The following USH2A variants were observed in gnomAD, a reference collection of about 807,000 sequenced individuals.
USH2A encodes usherin, also known as Usher syndrome 2A (autosomal recessive, mild).
A neutral mutation model predicts 538.9 loss-of-function variants in USH2A; 443 were observed. The ratio of observed to expected loss-of-function variants is 0.82; its 90% CI spans 0.76 to 0.89. The LOEUF is 0.89. Among genes scored for constraint, USH2A ranks in the 40% least tolerant of loss-of-function variants. USH2A has a pLI of 0.00. For missense variants in USH2A, 6,633 were observed against 6,324.8 expected (o/e 1.05, Z -1.65); for synonymous variants, 2,413 against 2,273.5 (o/e 1.06, Z -1.75).
intron 11 of USH2A, among the ~76,000 whole-genome samples, chr1:216,258,066 G>A (rs976665068): frequency 6.6e-6 from 1 of 151,976 alleles, no homozygotes; most frequent in African/African-American, 2.4e-5. Context: ...GTACTTTCCT[G>A]CTTCTTTACA....
At position 216,357,270 on chromosome 1, in the gene USH2A, A is replaced by G. The variant is rs140113678; in HGVS notation, c.784+7683T>C. 3.0e-3 allele frequency among the ~76,000 whole-genome samples: 461 copies of G among 152,264 alleles called. 4 individuals carry two copies. Among genetic ancestry groups the G allele is most frequent in the African/African-American group, 0.01 (428 of 41,566 alleles). On this transcript the variant is annotated intron_variant, in intron 4 of 71. Coordinates refer to ENST00000307340, the MANE Select transcript of USH2A (RefSeq NM_206933.4). ...ATGTTCTGAAACTAAGTAAACTCCT[A>G]TCTATATACTATATTCCTATACTCT...
At chr1:215,679,018 T>C (rs1658135313) in intron 62 of USH2A, among the ~76,000 whole-genome samples, 1 of 152,212 alleles carries the variant, frequency 6.6e-6, no homozygotes, top group Admixed American at 6.5e-5. Flanking sequence ...TTTAAGGTCA[T>C]GAATCCTAAG....
intron 68 of USH2A, among the ~76,000 whole-genome samples, chr1:215,639,577 T>G (rs1020699260): frequency 6.6e-6 from 1 of 152,186 alleles, no homozygotes; most frequent in Admixed American, 6.5e-5. Flanking sequence ...CAGGTGTACT[T>G]TCCACTAAAT....
At chr1:216,377,866 AGAAG>A (rs1380528153) in intron 3 of USH2A, among the ~76,000 whole-genome samples, 18 of 141,800 alleles carry the variant, frequency 1.3e-4, no homozygotes, top group African/African-American at 4.3e-4. Flanking sequence ...AAAGAAAGAA[AGAAG>A]GAAAGAAAGA....
At chr1:216,421,539 G>T (rs1296563690) in intron 2 of USH2A, among the ~76,000 whole-genome samples, 1 of 152,136 alleles carries the variant, frequency 6.6e-6, no homozygotes, top group Non-Finnish European at 1.5e-5. Flanking sequence ...AAGTTTCCAT[G>T]CCTTAAAACT....
intron 3 of USH2A, among the ~76,000 whole-genome samples, chr1:216,367,138 G>A (rs1202346453): frequency 4.6e-5 from 7 of 152,138 alleles, no homozygotes. Context: ...ACAGCCATGA[G>A]GGAAACACAT....
At chr1:216,323,843 A>G in intron 7 of USH2A, 148 bp from the exon 8 acceptor site, 4 of 785,690 alleles carry the variant, frequency 5.1e-6, no homozygotes, top group Non-Finnish European at 8.2e-6. Context: ...TTTCATATAT[A>G]AACAATACAG....
chr1:216,099,799 G>T (rs1473303352), intron 21 of USH2A, among the ~76,000 whole-genome samples: 2 of 152,118 alleles, frequency 1.3e-5, no homozygotes, highest in African/African-American at 4.8e-5. Flanking sequence ...GATAAGGAAG[G>T]AAATCTGGGG....
intron 21 of USH2A, among the ~76,000 whole-genome samples, chr1:216,164,028 G>A (rs2034119745): frequency 6.6e-6 from 1 of 152,034 alleles, no homozygotes; most frequent in African/African-American, 2.4e-5. Context: ...GGAGACAGAA[G>A]TCACTTGTAA....
At chr1:215,976,991 T>C (rs1377710774) in intron 35 of USH2A, among the ~76,000 whole-genome samples, 1 of 151,322 alleles carries the variant, frequency 6.6e-6, no homozygotes, top group Non-Finnish European at 1.5e-5. Flanking sequence ...CCAGTTTTTT[T>C]TTTTTTCTTT....
chr1:215,761,525 G>A (rs564181259), intron 56 of USH2A, among the ~76,000 whole-genome samples: 4 of 152,050 alleles, frequency 2.6e-5, no homozygotes, highest in African/African-American at 7.2e-5. Context: ...TGTCTTATTC[G>A]TCAATGTATC....
intron 61 of USH2A, among the ~76,000 whole-genome samples, chr1:215,706,106 G>T (rs967686052): frequency 9.9e-5 from 15 of 152,124 alleles, no homozygotes; most frequent in Admixed American, 7.9e-4. Context: ...CATTGTCCAT[G>T]GTCATATAAT....
chr1:216,266,591 C>T, intron 11 of USH2A, among the ~76,000 whole-genome samples: 1 of 152,064 alleles, frequency 6.6e-6, no homozygotes, highest in South Asian at 2.1e-4. Context: ...AAACAGACAA[C>T]AGCAACAAGA....
rs1386988410 is a variant in USH2A at position 215,799,109 on chromosome 1, T to G, written c.9756A>C (p.Pro3252=). ...CAGAAACCCGATTGTGCTGTTCATC[T>G]GGACAGCATACTTCACCTGTCAATT... ...ARILPGEVCC[P]DEQHNRVSVG... is the part of the protein sequence containing the mutation. Residue 3252 remains proline (P), a synonymous_variant, in exon 50 of 72, where the codon CCA becomes CCC. Transcript: ENST00000307340. The G allele has an allele frequency of 3.1e-6, 5 of 1,613,874 alleles. No homozygotes were observed. In the African/African-American group the frequency reaches 5.3e-5, roughly 17 times the overall value.
At chr1:215,741,960 A>G in intron 59 of USH2A, among the ~76,000 whole-genome samples, 1 of 152,214 alleles carries the variant, frequency 6.6e-6, no homozygotes, top group South Asian at 2.1e-4. Context: ...CATTATTCAA[A>G]CACACAGGAA....
chr1:215,648,681 C>T lies in USH2A; in HGVS notation c.14429G>A (p.Cys4810Tyr). ...NYSIGVEACT[C>Y]FNCCSKGPTA... ...CGGTCCTTTGCTGCAACAGTTGAAG[C>T]AGGTGCAGGCCTCTACTCCAATAGA... The change falls in exon 66 of 72, where the codon TGC (cysteine) becomes TAC (tyrosine). Residue 4810 changes from cysteine (C) to tyrosine (Y), a missense_variant. Cys to Tyr is a radical substitution (Grantham distance 194). Coordinates refer to ENST00000307340, the MANE Select transcript of USH2A (RefSeq NM_206933.4). 6.2e-7 allele frequency: 1 copy of T among 1,614,210 alleles called. No homozygotes were observed. The highest frequency in any genetic ancestry group is 8.5e-7 in the Non-Finnish European group (1 of 1,180,042).
At chr1:216,331,933 G>A (rs1029514348) in intron 4 of USH2A, among the ~76,000 whole-genome samples, 4 of 152,098 alleles carry the variant, frequency 2.6e-5, no homozygotes, top group Non-Finnish European at 5.9e-5. Context: ...TCAACTTATT[G>A]AGAACTCTGG....
intron 3 of USH2A, among the ~76,000 whole-genome samples, chr1:216,398,578 C>T (rs1255446592): frequency 6.8e-6 from 1 of 148,082 alleles, no homozygotes; most frequent in Non-Finnish European, 1.5e-5. Flanking sequence ...ACTCTCTCCC[C>T]ACACACACTC....
intron 37 of USH2A, 135 bp from the exon 38 acceptor site, chr1:215,934,930 C>T: frequency 2.6e-6 from 2 of 777,278 alleles, no homozygotes; most frequent in African/African-American, 1.8e-5. Flanking sequence ...AGAGGCATTA[C>T]ATGTGCTTCT....
Sources: gnomAD v4.1 joint callset for allele counts (sites outside exome capture counted in the v4.1 genomes callset) on GRCh38, gnomAD v4.1.1 for gene constraint, MANE v1.5 for transcripts, NCBI Gene and HGNC (gene_info 2026-07-23, HGNC 2026-07-21) for gene names.